KIAA1217: variants seen among roughly 807,000 people sequenced by gnomAD.
The protein encoded by KIAA1217 is sickle tail protein homolog.
Under a neutral mutation model 163.9 loss-of-function variants are expected in KIAA1217, and 88 were observed. The observed-to-expected ratio is 0.54, with a 90% confidence interval of 0.45 to 0.64. The LOEUF is 0.64. KIAA1217 is among the 30% of genes least tolerant of loss of function. The pLI, the probability that KIAA1217 is intolerant of heterozygous loss-of-function variation, is 0.00. For missense variants in KIAA1217, 2,372 were observed against 2,475.0 expected (o/e 0.96, Z 0.88); for synonymous variants, 903 against 923.1 (o/e 0.98, Z 0.39).
intron 8 of KIAA1217, among the ~76,000 whole-genome samples, chr10:24,497,856 A>G (rs897843634): frequency 6.6e-6 from 1 of 152,052 alleles, no homozygotes; most frequent in Non-Finnish European, 1.5e-5. Flanking sequence ...ATGAGGGATA[A>G]AAAAAACTAC....
intron 2 of KIAA1217, among the ~76,000 whole-genome samples, chr10:24,031,762 G>C (rs1848195809): frequency 1.3e-5 from 2 of 152,092 alleles, no homozygotes; most frequent in African/African-American, 4.8e-5. Context: ...AGTAAAGAGG[G>C]AAAATGGAAA....
rs1335828 is a variant in KIAA1217, at chr10:23,771,618, G to A, written c.-321+76384G>A. Among the ~76,000 whole-genome samples the A allele has an allele frequency of 5.9e-3, 898 of 152,252 alleles. 8 individuals carry two copies. Among genetic ancestry groups the A allele is most frequent in the African/African-American group, 0.019 (805 of 41,540 alleles). On this transcript the variant is annotated intron_variant, in intron 1 of 18. Transcript: ENST00000376462. ...ACATAATGTGTTCTGATTAGTGGGC[G>A]GTGCCCCTCCAAGCAATGATTTGGA...
chr10:24,221,027 C>T (rs2069564918), intron 2 of KIAA1217, among the ~76,000 whole-genome samples: 1 of 152,082 alleles, frequency 6.6e-6, no homozygotes, highest in Non-Finnish European at 1.5e-5. Context: ...TCCCAAAGTA[C>T]TAGAATTACA....
At chr10:23,763,972 T>G (rs1318074982) in intron 1 of KIAA1217, among the ~76,000 whole-genome samples, 2 of 152,026 alleles carry the variant, frequency 1.3e-5, no homozygotes, top group Non-Finnish European at 2.9e-5. Flanking sequence ...CTAATTAAAC[T>G]AAAGAGCTTC....
At chr10:24,302,581 A>G (rs2041496453) in intron 2 of KIAA1217, among the ~76,000 whole-genome samples, 1 of 151,600 alleles carries the variant, frequency 6.6e-6, no homozygotes, top group African/African-American at 2.4e-5. Context: ...AGGTCTGGAA[A>G]AACAGGGAAC....
At chr10:23,939,074 A>C (rs1467804094) in intron 1 of KIAA1217, among the ~76,000 whole-genome samples, 1 of 152,188 alleles carries the variant, frequency 6.6e-6, no homozygotes, top group Non-Finnish European at 1.5e-5. Flanking sequence ...TGCTAAGTTA[A>C]ATACTGTAAG....
intron 1 of KIAA1217, among the ~76,000 whole-genome samples, chr10:23,965,573 C>T (rs893898954): frequency 7.2e-5 from 11 of 152,198 alleles, no homozygotes; most frequent in African/African-American, 2.7e-4. Flanking sequence ...AATTCTGCTA[C>T]ATTTGAAAAC....
intron 2 of KIAA1217, among the ~76,000 whole-genome samples, chr10:24,059,761 T>C (rs2060650597): frequency 6.6e-6 from 1 of 152,126 alleles, no homozygotes; most frequent in South Asian, 2.1e-4. Flanking sequence ...GTATTTTTAG[T>C]AGAGATGGGG....
At chr10:24,404,386 G>T (rs7080357) in intron 3 of KIAA1217, among the ~76,000 whole-genome samples, 123,726 of 151,778 alleles carry the variant, frequency 0.82, 50,802 homozygotes, top group African/African-American at 0.88. Context: ...GGCCAACATG[G>T]TGAAACCCTG....
chr10:24,203,443 G>T (rs1055392519), intron 2 of KIAA1217, among the ~76,000 whole-genome samples: 1 of 152,136 alleles, frequency 6.6e-6, no homozygotes, highest in South Asian at 2.1e-4. Flanking sequence ...CCAGGAGTCA[G>T]TTTGTTCAGC....
chr10:24,139,421 G>A (rs902220865), intron 2 of KIAA1217, among the ~76,000 whole-genome samples: 7 of 151,750 alleles, frequency 4.6e-5, no homozygotes, highest in Admixed American at 1.3e-4. Context: ...ATGTTGTCTC[G>A]ATCATCTATA....
chr10:23,900,039 C>T (rs779965125), intron 1 of KIAA1217, among the ~76,000 whole-genome samples: 1 of 151,148 alleles, frequency 6.6e-6, no homozygotes, highest in African/African-American at 2.4e-5. Flanking sequence ...AGGAGTCTCA[C>T]TCTGTTGCCC....
At chr10:24,392,520 T>C (rs79795857) in intron 3 of KIAA1217, among the ~76,000 whole-genome samples, 2,709 of 152,272 alleles carry the variant, frequency 0.018, 95 homozygotes, top group African/African-American at 0.061. Context: ...CCTCAGATGG[T>C]TGGTCCTTGG....
At chr10:23,759,524 G>A (rs1359977326) in intron 1 of KIAA1217, among the ~76,000 whole-genome samples, 1 of 152,178 alleles carries the variant, frequency 6.6e-6, no homozygotes, top group African/African-American at 2.4e-5. Flanking sequence ...TCACCATTGA[G>A]TATGATGATT....
intron 1 of KIAA1217, among the ~76,000 whole-genome samples, chr10:23,985,834 T>G (rs958433398): frequency 7.6e-4 from 115 of 152,182 alleles, no homozygotes; most frequent in African/African-American, 2.7e-3. Context: ...GTTGTCACTG[T>G]CATTCAGAAT....
chr10:24,062,413 T>C (rs1055795373), intron 2 of KIAA1217, among the ~76,000 whole-genome samples: 1 of 151,108 alleles, frequency 6.6e-6, no homozygotes, highest in Non-Finnish European at 1.5e-5. Context: ...CTTGAGATAG[T>C]TTGCTCAGAA....
intron 2 of KIAA1217, among the ~76,000 whole-genome samples, chr10:24,201,805 A>G (rs12244032): frequency 0.017 from 2,635 of 152,320 alleles, 72 homozygotes; most frequent in African/African-American, 0.054. Flanking sequence ...CAAGAATTCT[A>G]TAAACTCGAG....
chr10:24,342,581 C>G (rs1163497427), intron 2 of KIAA1217, among the ~76,000 whole-genome samples: 6 of 151,520 alleles, frequency 4.0e-5, no homozygotes, highest in Non-Finnish European at 8.8e-5. Context: ...TACAGTTACT[C>G]TGTATGTCGC....
At chr10:23,892,397 G>A (rs1310364142) in intron 1 of KIAA1217, among the ~76,000 whole-genome samples, 1 of 151,908 alleles carries the variant, frequency 6.6e-6, no homozygotes, top group Non-Finnish European at 1.5e-5. Flanking sequence ...ACAGTAAACT[G>A]GAAGGCTGTT....
Sources: gnomAD v4.1 joint callset for allele counts (sites outside exome capture counted in the v4.1 genomes callset) on GRCh38, gnomAD v4.1.1 for gene constraint, MANE v1.5 for transcripts, NCBI Gene and HGNC (gene_info 2026-07-23, HGNC 2026-07-21) for gene names.